The following FAM193A variants were observed in gnomAD, a reference collection of about 807,000 sequenced individuals.
FAM193A encodes the protein family with sequence similarity 193 member A.
A neutral mutation model predicts 126.5 loss-of-function variants in FAM193A; 22 were observed. The observed-to-expected ratio is 0.17, with a 90% CI of 0.12 to 0.25. FAM193A has a LOEUF of 0.25. Ranked by LOEUF, FAM193A falls within the 10% of genes least tolerant of loss-of-function variation. FAM193A has a pLI of 1.00. For missense variants in FAM193A, 1,675 were observed against 1,672.8 expected (o/e 1.00, Z -0.02); for synonymous variants, 761 against 646.8 (o/e 1.18, Z -2.68).
chr4:2,730,356 A>G (rs2109446553), intron 20 of FAM193A, among the ~76,000 whole-genome samples: 1 of 152,342 alleles, frequency 6.6e-6, no homozygotes, highest in Admixed American at 6.5e-5. Flanking sequence ...TATTTAGGAT[A>G]TATGTGTATA....
chr4:2,708,288 G>C (rs570039015), intron 19 of FAM193A: 1 of 352,402 alleles, frequency 2.8e-6, no homozygotes, highest in East Asian at 9.6e-5. Context: ...ACCATGCCCA[G>C]CTAATTTTTT....
chr4:2,656,616 T>TGTGC (rs1291225344), intron 7 of FAM193A, among the ~76,000 whole-genome samples: 6 of 152,186 alleles, frequency 3.9e-5, no homozygotes, highest in African/African-American at 1.4e-4. Flanking sequence ...CACACCTGTG[T>TGTGC]GTGCGTGCGT....
Position 2,700,264 on chromosome 4 carries a change from G to T in FAM193A, c.4092G>T (p.Gln1364His), listed in dbSNP as rs1717560022. The T allele has an allele frequency of 2.5e-6, 4 of 1,614,102 alleles. No homozygotes were observed. The highest frequency in any genetic ancestry group is 8.5e-7 in the Non-Finnish European group (1 of 1,180,034). Residue 1364 changes from glutamine to histidine, a missense_variant, in exon 19 of 21, where the codon CAG becomes CAT. By Grantham distance (24) the Gln-to-His change is conservative. Transcript: ENST00000637812. ...AGCCCCCCAAGGCCACAGAGGGGCA[G>T]TCCAAGCCCCGGGCCCAGACTGAGT... is the stretch of plus-strand genomic sequence containing the variant. ...PTEPPKATEGQSKPRAQTESK... is the reference protein window; with the variant it reads ...PTEPPKATEGHSKPRAQTESK...
chr4:2,543,109 A>G (rs61790208), intron 1 of FAM193A, among the ~76,000 whole-genome samples: 1 of 150,962 alleles, frequency 6.6e-6, no homozygotes. Context: ...TTTTTTTTAA[A>G]TGGAGTCTCG....
chr4:2,582,486 TCTTA>T (rs918948134), intron 1 of FAM193A, among the ~76,000 whole-genome samples: 2 of 152,164 alleles, frequency 1.3e-5, no homozygotes, highest in African/African-American at 4.8e-5. Flanking sequence ...TCTCTTTCTT[TCTTA>T]TTTTCATAGT....
At chr4:2,619,377 A>T (rs533170338) in intron 2 of FAM193A, among the ~76,000 whole-genome samples, 2 of 151,710 alleles carry the variant, frequency 1.3e-5, no homozygotes, top group African/African-American at 4.8e-5. Context: ...ATCTCGGCTC[A>T]CTGCAACCTC....
intron 1 of FAM193A, among the ~76,000 whole-genome samples, chr4:2,570,139 A>G (rs1739205681): frequency 6.7e-6 from 1 of 149,154 alleles, no homozygotes; most frequent in South Asian, 2.1e-4. Flanking sequence ...AAATAGCCCA[A>G]AAGTACTTCA....
intron 20 of FAM193A, among the ~76,000 whole-genome samples, chr4:2,730,962 C>T (rs1193413479): frequency 2.0e-5 from 3 of 151,828 alleles, no homozygotes; most frequent in Non-Finnish European, 2.9e-5. Context: ...TTTGGGAGGC[C>T]GAGGCAGGCG....
At chr4:2,560,055 T>C (rs1475145821) in intron 1 of FAM193A, among the ~76,000 whole-genome samples, 1 of 151,798 alleles carries the variant, frequency 6.6e-6, no homozygotes, top group Non-Finnish European at 1.5e-5. Flanking sequence ...GTCTCCCTGG[T>C]TCAAGCCTGC....
intron 1 of FAM193A, among the ~76,000 whole-genome samples, chr4:2,590,103 C>A (rs1343670865): frequency 8.7e-5 from 13 of 149,938 alleles, no homozygotes; most frequent in Non-Finnish European, 1.3e-4. Flanking sequence ...CCACTGCACT[C>A]CAGCCTGGGC....
intron 7 of FAM193A, among the ~76,000 whole-genome samples, chr4:2,647,752 C>T (rs1491002925): frequency 6.6e-6 from 1 of 152,134 alleles, no homozygotes; most frequent in Non-Finnish European, 1.5e-5. Context: ...GAGAGCGGCC[C>T]TGGTTTAAAG....
At chr4:2,688,199 C>G (rs1715963863) in intron 13 of FAM193A, among the ~76,000 whole-genome samples, 1 of 152,118 alleles carries the variant, frequency 6.6e-6, no homozygotes, top group Non-Finnish European at 1.5e-5. Flanking sequence ...CCACCTCATC[C>G]TAGAGCGCAT....
intron 1 of FAM193A, among the ~76,000 whole-genome samples, chr4:2,543,289 A>G (rs1309053355): frequency 2.0e-5 from 3 of 151,654 alleles, no homozygotes; most frequent in Non-Finnish European, 1.5e-5. Context: ...GGGTTTCATC[A>G]TGTTAGCCAG....
At chr4:2,556,803 G>A (rs1738288274) in intron 1 of FAM193A, among the ~76,000 whole-genome samples, 2 of 152,224 alleles carry the variant, frequency 1.3e-5, no homozygotes, top group Admixed American at 1.3e-4. Context: ...TAAGTTAATA[G>A]AGGGTGATGT....
intron 1 of FAM193A, among the ~76,000 whole-genome samples, chr4:2,549,458 G>C (rs867090812): frequency 7.4e-6 from 1 of 135,296 alleles, no homozygotes; most frequent in Non-Finnish European, 1.6e-5. Context: ...GTGCAGTGGC[G>C]GGATCTCGGC....
intron 16 of FAM193A, among the ~76,000 whole-genome samples, chr4:2,694,317 T>C (rs1158026661): frequency 6.6e-6 from 1 of 152,116 alleles, no homozygotes; most frequent in Non-Finnish European, 1.5e-5. Flanking sequence ...TCGCCCAGGC[T>C]GAAGTGCAGT....
chr4:2,565,879 T>C (rs1042774304), intron 1 of FAM193A, among the ~76,000 whole-genome samples: 3 of 152,326 alleles, frequency 2.0e-5, no homozygotes, highest in Admixed American at 6.5e-5. Flanking sequence ...TGAAGGTGAA[T>C]TGAATGTTTT....
Position 2,694,969 on chromosome 4 carries a change from G to T in FAM193A, c.3116G>T (p.Arg1039Leu), listed in dbSNP as rs575190477. The change falls in exon 17 of 21, where the codon CGC (arginine) becomes CTC (leucine). Residue 1039 changes from arginine to leucine, a missense_variant. Transcript: ENST00000637812. ...AGTGACCCTGACTGCGAAGGGCACC[G>T]CTGCGAGAATGGTGTCTACGACCCA... ...VCSDPDCEGH[R>L]CENGVYDPQQ... 2.5e-6 allele frequency: 4 copies of T among 1,602,482 alleles called. No individual in the cohort carries two copies. The highest frequency in any genetic ancestry group is 2.3e-5 in the South Asian group (2 of 88,690).
chr4:2,721,054 C>A (rs1720083757), intron 20 of FAM193A, among the ~76,000 whole-genome samples: 1 of 152,032 alleles, frequency 6.6e-6, no homozygotes, highest in South Asian at 2.1e-4. Context: ...TGGTTCATGC[C>A]TGTAATCCCA....
Sources: allele counts gnomAD v4.1 joint callset (sites outside exome capture counted in the v4.1 genomes callset), GRCh38; gene constraint gnomAD v4.1.1; transcripts MANE v1.5; gene names NCBI Gene and HGNC (gene_info 2026-07-23, HGNC 2026-07-21).